VPS13B: variants seen among roughly 807,000 people sequenced by gnomAD.
VPS13B encodes the protein intermembrane lipid transfer protein VPS13B.
Under a neutral mutation model 426.4 loss-of-function variants are expected in VPS13B, and 285 were observed. The observed-to-expected ratio is 0.67, with a 90% CI of 0.61 to 0.74. VPS13B has a LOEUF of 0.74. Among genes scored for constraint, VPS13B ranks in the 30% least tolerant of loss-of-function variants. The pLI is 0.00. For missense variants in VPS13B, 4,537 were observed against 4,782.6 expected (o/e 0.95, Z 1.51); for synonymous variants, 1,676 against 1,676.4 (o/e 1.00, Z 0.01).
intron 23 of VPS13B, among the ~76,000 whole-genome samples, chr8:99,449,200 G>T (rs151312229): frequency 1.3e-5 from 2 of 152,262 alleles, no homozygotes; most frequent in African/African-American, 4.8e-5. Flanking sequence ...TTAATGACTG[G>T]ATTAGTTATG....
rs373475409 is a variant in VPS13B at position 99,508,272 on chromosome 8, G to A, written c.4224+1069G>A. ...TTAAAAATTTTTTTTCTATTATTAT[G>A]CCATTGTTTTCTTACAACTAATTCA... On this transcript the variant is annotated intron_variant, in intron 28 of 61. Coordinates refer to ENST00000357162, the MANE Select transcript of VPS13B (RefSeq NM_152564.5). Among the ~76,000 whole-genome samples, 5 of 151,914 alleles carry A rather than the reference G, an allele frequency of 3.3e-5. No homozygotes were observed. In the East Asian group the frequency reaches 9.7e-4, roughly 29 times the overall value.
chr8:99,769,697 T>C (rs1043113787), intron 40 of VPS13B, among the ~76,000 whole-genome samples: 1 of 152,200 alleles, frequency 6.6e-6, no homozygotes, highest in African/African-American at 2.4e-5. Flanking sequence ...AAGACCTCTA[T>C]TCCACCTTTC....
At chr8:99,533,235 G>C (rs1004942106) in intron 30 of VPS13B, among the ~76,000 whole-genome samples, 16 of 151,974 alleles carry the variant, frequency 1.1e-4, no homozygotes, top group African/African-American at 3.6e-4. Flanking sequence ...CGTCGTACCT[G>C]GCCAATTTAC....
At chr8:99,096,464 T>C in intron 4 of VPS13B, 32 bp downstream of exon 4, 2 of 1,612,802 alleles carry the variant, frequency 1.2e-6, no homozygotes, top group South Asian at 2.2e-5. Flanking sequence ...AAAACCAAAT[T>C]TCAATTTTTG....
chr8:99,699,055 G>A (rs1241004510), intron 35 of VPS13B, among the ~76,000 whole-genome samples: 2 of 150,244 alleles, frequency 1.3e-5, no homozygotes, highest in Non-Finnish European at 3.0e-5. Context: ...TTAGAGAATT[G>A]TAGGGATACT....
chr8:99,847,887 C>T (rs180870945), intron 54 of VPS13B, among the ~76,000 whole-genome samples: 87 of 152,258 alleles, frequency 5.7e-4, no homozygotes, highest in Middle Eastern at 6.8e-3. Context: ...GTTCCGTCAT[C>T]CAGGAATTTT....
At chr8:99,821,817 A>G (rs1814386555) in intron 50 of VPS13B, among the ~76,000 whole-genome samples, 1 of 152,200 alleles carries the variant, frequency 6.6e-6, no homozygotes, top group African/African-American at 2.4e-5. Flanking sequence ...AGCAGAAAGT[A>G]GAGTCACTAA....
intron 30 of VPS13B, among the ~76,000 whole-genome samples, chr8:99,553,693 A>C (rs1824399669): frequency 2.0e-5 from 3 of 152,106 alleles, no homozygotes; most frequent in African/African-American, 7.2e-5. Context: ...TCAGCTGCTT[A>C]TCCTACTTTC....
chr8:99,777,852 A>C (rs561050661), intron 41 of VPS13B, among the ~76,000 whole-genome samples: 1 of 152,174 alleles, frequency 6.6e-6, no homozygotes, highest in East Asian at 1.9e-4. Flanking sequence ...TCTGTACCAA[A>C]CCTTTTCTAG....
At chr8:99,210,658 T>G (rs1433911979) in intron 17 of VPS13B, among the ~76,000 whole-genome samples, 2 of 152,012 alleles carry the variant, frequency 1.3e-5, no homozygotes, top group East Asian at 3.9e-4. Flanking sequence ...CAGGCTGGAG[T>G]GCAGTGGTGC....
intron 21 of VPS13B, among the ~76,000 whole-genome samples, chr8:99,401,736 C>T (rs1407381065): frequency 5.3e-5 from 8 of 152,174 alleles, no homozygotes; most frequent in South Asian, 4.2e-4. Context: ...TGTGGTGACG[C>T]GTGCCTGCAG....
At chr8:99,385,382 A>T (rs1290333366) in intron 20 of VPS13B, among the ~76,000 whole-genome samples, 2 of 152,204 alleles carry the variant, frequency 1.3e-5, no homozygotes, top group Non-Finnish European at 2.9e-5. Flanking sequence ...AGTAACTTCA[A>T]GCTAGTTGAT....
intron 3 of VPS13B, among the ~76,000 whole-genome samples, chr8:99,054,299 C>T (rs1692495447): frequency 1.3e-5 from 2 of 152,194 alleles, no homozygotes; most frequent in Admixed American, 1.3e-4. Flanking sequence ...CACCAGTGTA[C>T]AAAGGTTTCA....
chr8:99,810,167 T>A (rs1318668053), intron 44 of VPS13B, among the ~76,000 whole-genome samples: 1 of 152,234 alleles, frequency 6.6e-6, no homozygotes, highest in Non-Finnish European at 1.5e-5. Context: ...ATCTGACACT[T>A]TCTTTTTGTT....
At chr8:99,481,855 A>T in intron 25 of VPS13B, 53 bp downstream of exon 25, 1 of 1,586,460 alleles carries the variant, frequency 6.3e-7, no homozygotes, top group Admixed American at 1.7e-5. Flanking sequence ...TATAACACAG[A>T]TTTCCAGATC....
chr8:99,248,937 G>T (rs1817363439), intron 17 of VPS13B, among the ~76,000 whole-genome samples: 1 of 152,054 alleles, frequency 6.6e-6, no homozygotes, highest in Non-Finnish European at 1.5e-5. Context: ...TGATTCAGTG[G>T]CATTTAGTGC....
intron 23 of VPS13B, among the ~76,000 whole-genome samples, chr8:99,458,613 A>C (rs1023940126): frequency 1.3e-5 from 2 of 152,280 alleles, no homozygotes; most frequent in African/African-American, 4.8e-5. Flanking sequence ...TTGCCATTCT[A>C]ACTGGTGTGA....
intron 51 of VPS13B, among the ~76,000 whole-genome samples, chr8:99,828,542 C>G (rs554081945): frequency 6.6e-6 from 1 of 151,144 alleles, no homozygotes; most frequent in Admixed American, 6.6e-5. Flanking sequence ...TAGGTGTTGA[C>G]TCCTTATCCA....
At chr8:99,131,485 T>C (rs928446560) in intron 8 of VPS13B, among the ~76,000 whole-genome samples, 2 of 152,206 alleles carry the variant, frequency 1.3e-5, no homozygotes, top group African/African-American at 4.8e-5. Context: ...AGAGATATTG[T>C]GGACTTGGTT....
Sources: gnomAD v4.1 joint callset for allele counts (sites outside exome capture counted in the v4.1 genomes callset) on GRCh38, gnomAD v4.1.1 for gene constraint, MANE v1.5 for transcripts, NCBI Gene and HGNC (gene_info 2026-07-23, HGNC 2026-07-21) for gene names.